Variants in GRIK2 observed in about 807,000 individuals in gnomAD.
The protein encoded by GRIK2 is glutamate ionotropic receptor kainate type subunit 2.
Under a neutral mutation model 100.3 loss-of-function variants are expected in GRIK2, and 32 were observed. The ratio of observed to expected loss-of-function variants is 0.32; its 90% CI spans 0.24 to 0.43. The LOEUF is 0.43. GRIK2 is among the 20% of genes least tolerant of loss of function. The pLI, the probability that GRIK2 is intolerant of heterozygous loss-of-function variation, is 1.00. For synonymous variants in GRIK2, 417 were observed against 389.4 expected (o/e 1.07, Z -0.83); for missense variants, 843 against 1,114.9 (o/e 0.76, Z 3.47).
At chr6:101,968,468 C>T (rs1192203255) in intron 14 of GRIK2, among the ~76,000 whole-genome samples, 1 of 151,954 alleles carries the variant, frequency 6.6e-6, no homozygotes, top group East Asian at 1.9e-4. Context: ...AAAATTGCTA[C>T]TAGTCTGGTC....
chr6:101,411,631 A>G lies in GRIK2; in HGVS notation c.115+12239A>G, dbSNP rs375569289. 4.6e-5 allele frequency among the ~76,000 whole-genome samples: 7 copies of G among 152,256 alleles called. No individual in the cohort carries two copies. The East Asian group carries it at 1.2e-3, about 25-fold the overall frequency. ...AGCGGCATCAGCTTTCGGAATTAGC[A>G]GTTGATAATCATGTCTAGATGATGA... On this transcript the variant is annotated intron_variant, in intron 2 of 16. Coordinates refer to ENST00000369134, the MANE Select transcript of GRIK2 (RefSeq NM_021956.5).
At chr6:101,895,462 G>A (rs1168910385) in intron 12 of GRIK2, among the ~76,000 whole-genome samples, 1 of 151,644 alleles carries the variant, frequency 6.6e-6, no homozygotes, top group African/African-American at 2.4e-5. Flanking sequence ...TATCCAAAGT[G>A]CTTACATTAA....
At chr6:101,905,382 T>C (rs78457029) in intron 12 of GRIK2, among the ~76,000 whole-genome samples, 1,561 of 151,784 alleles carry the variant, frequency 0.01, 18 homozygotes, top group Non-Finnish European at 0.018. Context: ...GGAAGTGTTA[T>C]AGCTTAGTTT....
chr6:101,714,284 T>G (rs1773914145), intron 7 of GRIK2, among the ~76,000 whole-genome samples: 1 of 151,756 alleles, frequency 6.6e-6, no homozygotes, highest in South Asian at 2.1e-4. Context: ...GAGTTAAGTC[T>G]TACAATACCT....
chr6:101,894,889 G>T (rs531855389), intron 12 of GRIK2, among the ~76,000 whole-genome samples: 4 of 151,560 alleles, frequency 2.6e-5, no homozygotes, highest in African/African-American at 9.7e-5. Context: ...AATAACTGAA[G>T]ACCAAACCTA....
intron 16 of GRIK2, among the ~76,000 whole-genome samples, chr6:102,067,102 A>C (rs1772054933): frequency 6.6e-6 from 1 of 151,786 alleles, no homozygotes; most frequent in Admixed American, 6.6e-5. Context: ...ACAAACTGTT[A>C]TGAAAACAAT....
At chr6:101,572,666 A>G (rs886407942) in intron 2 of GRIK2, among the ~76,000 whole-genome samples, 1 of 151,680 alleles carries the variant, frequency 6.6e-6, no homozygotes, top group African/African-American at 2.4e-5. Flanking sequence ...CTGTAGTTCA[A>G]AACGTACCCT....
intron 7 of GRIK2, among the ~76,000 whole-genome samples, chr6:101,706,827 C>G (rs1773336290): frequency 6.6e-6 from 1 of 151,924 alleles, no homozygotes; most frequent in Non-Finnish European, 1.5e-5. Flanking sequence ...ATCTGAAGAG[C>G]AGCCTGCTGA....
At chr6:101,688,403 G>A (rs1328944565) in intron 7 of GRIK2, among the ~76,000 whole-genome samples, 4 of 151,770 alleles carry the variant, frequency 2.6e-5, no homozygotes, top group Middle Eastern at 3.4e-3. Context: ...ATCATCTCCC[G>A]AAATGAAGTA....
At chr6:101,462,067 T>C (rs954611876) in intron 2 of GRIK2, among the ~76,000 whole-genome samples, 8 of 152,160 alleles carry the variant, frequency 5.3e-5, no homozygotes, top group African/African-American at 1.9e-4. Context: ...TATCTGTGCT[T>C]AATTTTGCTC....
Position 101,434,648 on chromosome 6 carries a change from A to G in GRIK2, c.115+35256A>G, listed in dbSNP as rs547478244. Among the ~76,000 whole-genome samples, 24 of 152,186 alleles carry G rather than the reference A, an allele frequency of 1.6e-4. No individual in the cohort carries two copies. The South Asian group carries it at 5.0e-3, about 32-fold the overall frequency. ...AAGATTTAAAATATTTTATTTTCCT[A>G]CTACTTTCTGGAATGAGACCAATCC... On this transcript the variant is annotated intron_variant, in intron 2 of 16. Coordinates refer to ENST00000369134, the MANE Select transcript of GRIK2 (RefSeq NM_021956.5).
chr6:101,975,262 T>A (rs186873235), intron 14 of GRIK2, among the ~76,000 whole-genome samples: 3 of 152,062 alleles, frequency 2.0e-5, no homozygotes, highest in Middle Eastern at 3.4e-3. Context: ...AGGTTTGGTG[T>A]TGTTAACTCA....
intron 7 of GRIK2, among the ~76,000 whole-genome samples, chr6:101,733,125 A>G (rs184784988): frequency 6.6e-6 from 1 of 152,214 alleles, no homozygotes; most frequent in Admixed American, 6.6e-5. Context: ...ATGTCCTCAC[A>G]TACAAAATAC....
chr6:102,057,982 A>G (rs2252510), intron 16 of GRIK2, among the ~76,000 whole-genome samples: 61,787 of 151,390 alleles, frequency 0.41, 12,685 homozygotes, highest in Middle Eastern at 0.49. Flanking sequence ...GTGGAAGTAG[A>G]TTTTCATTTC....
chr6:101,783,282 T>C (rs1160366946), intron 7 of GRIK2, among the ~76,000 whole-genome samples: 1 of 152,032 alleles, frequency 6.6e-6, no homozygotes, highest in Admixed American at 6.6e-5. Context: ...TCATGAGATC[T>C]GATGATTTTC....
intron 13 of GRIK2, among the ~76,000 whole-genome samples, chr6:101,926,820 C>G (rs535733255): frequency 6.6e-6 from 1 of 152,252 alleles, no homozygotes; most frequent in East Asian, 1.9e-4. Flanking sequence ...AGGAGGTACT[C>G]GCTTTAAGTC....
At chr6:101,566,496 A>G (rs192916777) in intron 2 of GRIK2, among the ~76,000 whole-genome samples, 3 of 128,244 alleles carry the variant, frequency 2.3e-5, no homozygotes, top group Non-Finnish European at 4.5e-5. Flanking sequence ...TTTAAAAAAG[A>G]GTCTTGCCTT....
rs1200150974 is a variant in GRIK2, at chr6:101,479,140, A to T, written c.115+79748A>T. On this transcript the variant is annotated intron_variant, in intron 2 of 16. Transcript: ENST00000369134. ...TACACAATTATACAAATCAGAGAGG[A>T]AATGTCTAGACATGTCCAAGCTCTC... is the stretch of plus-strand genomic sequence containing the variant. Among the ~76,000 whole-genome samples, 9 of 152,186 alleles carry T rather than the reference A, an allele frequency of 5.9e-5. No individual in the cohort carries two copies. In the East Asian group the frequency reaches 1.5e-3, roughly 26 times the overall value.
chr6:101,508,880 G>A (rs945984043), intron 2 of GRIK2, among the ~76,000 whole-genome samples: 2 of 152,040 alleles, frequency 1.3e-5, no homozygotes, highest in African/African-American at 2.4e-5. Flanking sequence ...TGTAGGCTGG[G>A]CGTGGTGGCT....
Sources: gnomAD v4.1 joint callset for allele counts (sites outside exome capture counted in the v4.1 genomes callset) on GRCh38, gnomAD v4.1.1 for gene constraint, MANE v1.5 for transcripts, NCBI Gene and HGNC (gene_info 2026-07-23, HGNC 2026-07-21) for gene names.